PER2: variants seen among roughly 807,000 people sequenced by gnomAD.
PER2 encodes period circadian protein homolog 2.
PER2 carries 66 observed loss-of-function variants against 121.0 expected under a neutral mutation model. The ratio of observed to expected loss-of-function variants is 0.55; its 90% CI spans 0.45 to 0.67. The LOEUF (loss-of-function observed/expected upper bound fraction) is 0.67, where lower values mean the gene tolerates loss of function less well. PER2 is among the 30% of genes least tolerant of loss of function. The pLI is 0.00. For missense variants in PER2, 1,521 were observed against 1,635.0 expected (o/e 0.93, Z 1.20); for synonymous variants, 684 against 659.9 (o/e 1.04, Z -0.56).
Position 238,258,400 on chromosome 2 carries a change from C to G in PER2, c.1776G>C (p.Arg592Ser). Reference protein sequence around the residue: ...QQISCLDSVIRYLESCNEAAT... With the variant: ...QQISCLDSVISYLESCNEAAT... ...CAGCCTCATTGCAGCTCTCCAAGTA[C>G]CTGTGTGAAAGGCATGAACCACTGG... Residue 592 changes from arginine (R) to serine (S), a missense_variant and splice_region_variant, in exon 16 of 23, where the codon AGG becomes AGC. Arg to Ser is a moderately radical substitution (Grantham distance 110). Coordinates refer to ENST00000254657, the MANE Select transcript of PER2 (RefSeq NM_022817.3). 6.2e-7 allele frequency: 1 copy of G among 1,614,148 alleles called. No individual in the cohort carries two copies. The highest frequency in any genetic ancestry group is 1.1e-5 in the South Asian group (1 of 91,080).
rs779959196 is a variant in PER2, at chr2:238,262,261, T to C, written c.1237A>G (p.Ser413Gly). The part of the protein sequence containing the change: ...RNGEYITLDT[S>G]WSSFINPWSR... Reference sequence around the variant, plus strand: ...CATGGGTTGATGAAGCTGGACCAGCTGGTGTCCAACGTGATGTACTCTCCG... The same window carrying C: ...CATGGGTTGATGAAGCTGGACCAGCCGGTGTCCAACGTGATGTACTCTCCG... The change falls in exon 11 of 23, where the codon AGC becomes GGC. Residue 413 changes from serine to glycine, a missense_variant. By Grantham distance (56) the Ser-to-Gly change is moderately conservative. Transcript: ENST00000254657. 6.2e-7 allele frequency: 1 copy of C among 1,613,996 alleles called. No homozygotes were observed. Among genetic ancestry groups the C allele is most frequent in the South Asian group, 1.1e-5 (1 of 91,078 alleles).
the PER2 span, among the ~76,000 whole-genome samples, chr2:238,297,261 A>T: frequency 6.6e-6 from 1 of 152,194 alleles, no homozygotes. Context: ...CTCGGGAGGA[A>T]AGGCATTGTA....
Position 238,253,725 on chromosome 2 carries a change from C to G in PER2, c.2321-23G>C. 1 of 1,557,932 alleles carries G rather than the reference C, an allele frequency of 6.4e-7. No homozygotes were observed. ...CAGCTAATGCAGAAAAACAAATACT[C>G]GGAGTTAAAATTTTAACTCCAAATT... On this transcript the variant is annotated intron_variant, in intron 18 of 22. Coordinates refer to ENST00000254657, the MANE Select transcript of PER2 (RefSeq NM_022817.3). This position sits in a 1 kb window ranked among gnomAD's most constrained non-coding sequence, Gnocchi z 5.6.
chr2:238,276,806 G>A (rs1483285135), intron 3 of PER2, among the ~76,000 whole-genome samples: 18 of 152,198 alleles, frequency 1.2e-4, no homozygotes. Context: ...CATGAAAATT[G>A]ACATAGGGTA....
At chr2:238,287,067 G>A (rs1240479365) in intron 1 of PER2, among the ~76,000 whole-genome samples, 1 of 152,130 alleles carries the variant, frequency 6.6e-6, no homozygotes, top group African/African-American at 2.4e-5. Flanking sequence ...AACAAACAAG[G>A]AAACTGAGGC....
intron 20 of PER2, among the ~76,000 whole-genome samples, chr2:238,251,029 C>T (rs923260850): frequency 2.6e-5 from 4 of 152,226 alleles, no homozygotes; most frequent in African/African-American, 9.6e-5. Context: ...CCCAAGCTCT[C>T]ACCATCTCCA....
In PER2 at chr2:238,258,379, C is replaced by T. The variant is rs1695825238; in HGVS notation, c.1797G>A (p.Glu599=). Residue 599 remains glutamate, a synonymous_variant, in exon 16 of 23, where the codon GAG becomes GAA. Transcript: ENST00000254657. ...SVIRYLESCN[E]AATLKRKCEF... ...CGCATTTCCTCTTCAGGGTGGCAGC[C>T]TCATTGCAGCTCTCCAAGTACCTGT... The T allele has an allele frequency of 1.2e-6, 2 of 1,614,082 alleles. No homozygotes were observed. The highest frequency in any genetic ancestry group is 3.3e-5 in the Admixed American group (2 of 60,006).
rs754211343 is a variant in PER2 at position 238,273,157 on chromosome 2, G to A, written c.483C>T (p.Ser161=). The A allele has an allele frequency of 1.1e-5, 18 of 1,613,840 alleles. No homozygotes were observed. The highest frequency in any genetic ancestry group is 5.3e-5 in the African/African-American group (4 of 75,026). ...NEEYYQLLMS[S]EGHPCGADVP... is the part of the protein sequence containing the mutation. Reference sequence around the variant, plus strand: ...CGTCTGCTCCACAGGGGTGACCCTCGCTGGACATCAGCAGCTGGTAATACT... The same window carrying A: ...CGTCTGCTCCACAGGGGTGACCCTCACTGGACATCAGCAGCTGGTAATACT... The change falls in exon 5 of 23, where the codon AGC becomes AGT. Residue 161 remains serine, a synonymous_variant. Coordinates refer to ENST00000254657, the MANE Select transcript of PER2 (RefSeq NM_022817.3).
intron 1 of PER2, 80 bp from the exon 2 acceptor site, chr2:238,278,035 T>C: frequency 2.7e-6 from 4 of 1,470,056 alleles, no homozygotes; most frequent in Non-Finnish European, 3.7e-6. Flanking sequence ...GAGCACCCAT[T>C]TGACTCTTTC....
chr2:238,261,751 T>TG lies in PER2; in HGVS notation c.1393dup (p.Gln465ProfsTer43). The TG allele has an allele frequency of 6.4e-7, 1 of 1,565,392 alleles. No homozygotes were observed. Among genetic ancestry groups the TG allele is most frequent in the Non-Finnish European group, 8.7e-7 (1 of 1,153,990 alleles). On this transcript the variant is annotated frameshift_variant, in exon 12 of 23. Coordinates refer to ENST00000254657, the MANE Select transcript of PER2 (RefSeq NM_022817.3). LOFTEE classifies it high-confidence loss of function. ...CACCTGCAGCAGGAGCCGGTGGATC[T>TG]GCTCTGTGAGCTCCTGAATGCTGGG...
chr2:238,289,890 GA>G (rs1293645429), upstream of PER2: 6 of 152,290 alleles, frequency 3.9e-5, no homozygotes, highest in African/African-American at 1.4e-4. Flanking sequence ...GTAGAAGCCT[GA>G]GACTTACAGG....
At chr2:238,271,227 C>T (rs1228854869) in intron 6 of PER2, 85 bp downstream of exon 6, 6 of 1,195,568 alleles carry the variant, frequency 5.0e-6, no homozygotes, top group East Asian at 2.3e-5. Flanking sequence ...TGAGGCAGGG[C>T]GCCTGCACCA....
At chr2:238,273,758 C>T (rs144677988) in intron 4 of PER2, among the ~76,000 whole-genome samples, 93 of 152,262 alleles carry the variant, frequency 6.1e-4, no homozygotes, top group African/African-American at 2.2e-3. Context: ...CTCCACCTCC[C>T]AGGGGTTCAA....
chr2:238,256,893 C>A (rs70965449), intron 17 of PER2, 29 bp downstream of exon 17: 17,817 of 1,605,394 alleles, frequency 0.011, 123 homozygotes, highest in Non-Finnish European at 0.013. Context: ...AATCAAACTG[C>A]TCTCTGATCC....
chr2:238,248,818 G>A (rs1224623321), intron 22 of PER2, among the ~76,000 whole-genome samples: 1 of 152,122 alleles, frequency 6.6e-6, no homozygotes, highest in Non-Finnish European at 1.5e-5. Context: ...ACCACGCCCA[G>A]CTAATTTTTT....
intron 8 of PER2, among the ~76,000 whole-genome samples, chr2:238,267,718 A>C (rs1696152395): frequency 6.6e-6 from 1 of 152,104 alleles, no homozygotes; most frequent in Non-Finnish European, 1.5e-5. Flanking sequence ...TGAGGATGGG[A>C]AGGATGTAGG....
At chr2:238,266,288 C>CTTTT (rs1164812441) in intron 8 of PER2, among the ~76,000 whole-genome samples, 1 of 140,858 alleles carries the variant, frequency 7.1e-6, no homozygotes. Context: ...ATTCAAATTT[C>CTTTT]TTTTTTTTTT....
intron 3 of PER2, 133 bp from the exon 4 acceptor site, chr2:238,276,030 C>T: frequency 1.6e-6 from 1 of 616,456 alleles, no homozygotes; most frequent in Non-Finnish European, 2.9e-6. Flanking sequence ...TTGTGGGGCT[C>T]TGTAGATTTT....
chr2:238,296,056 T>TGTGACCACGGACACGGG, the PER2 span, among the ~76,000 whole-genome samples: 5 of 137,224 alleles, frequency 3.6e-5, no homozygotes, highest in African/African-American at 5.5e-5. Context: ...TCGTGTGCCC[T>TGTGACCACGGACACGGG]CCTGCTGCAG....
Sources: allele counts gnomAD v4.1 joint callset (sites outside exome capture counted in the v4.1 genomes callset), GRCh38; gene constraint gnomAD v4.1.1; non-coding constraint Gnocchi (gnomAD v3.1); transcripts MANE v1.5; gene names NCBI Gene and HGNC (gene_info 2026-07-23, HGNC 2026-07-21).